Variants in MAJIN observed in about 807,000 individuals in gnomAD.
MAJIN encodes the protein membrane anchored junction protein.
MAJIN carries 27 observed loss-of-function variants against 30.2 expected under a neutral mutation model. That is an observed-to-expected ratio of 0.89 (90% CI 0.66 to 1.23). The LOEUF (loss-of-function observed/expected upper bound fraction) is 1.23, where lower values mean the gene tolerates loss of function less well. Among genes scored for constraint, MAJIN ranks in the 50% most tolerant of loss-of-function variants. MAJIN has a pLI of 0.00. For missense variants in MAJIN, 253 were observed against 260.3 expected (o/e 0.97, Z 0.19); for synonymous variants, 78 against 91.6 (o/e 0.85, Z 0.85).
chr11:64,961,599 C>T (rs1415439111), intron 1 of MAJIN, among the ~76,000 whole-genome samples: 1 of 150,966 alleles, frequency 6.6e-6, no homozygotes, highest in Non-Finnish European at 1.5e-5. Flanking sequence ...CCTCAGCCTC[C>T]AGAGTAGCTG....
At chr11:64,953,592 A>G (rs529315131) in intron 4 of MAJIN, among the ~76,000 whole-genome samples, 32 of 152,268 alleles carry the variant, frequency 2.1e-4, no homozygotes, top group African/African-American at 7.5e-4. Flanking sequence ...AGAGATCGAG[A>G]CCATCCTGGC....
intron 3 of MAJIN, among the ~76,000 whole-genome samples, chr11:64,956,745 T>C (rs1945638796): frequency 6.8e-6 from 1 of 146,160 alleles, no homozygotes; most frequent in Non-Finnish European, 1.5e-5. Flanking sequence ...CTTTCCAAAC[T>C]ACAAATACAT....
At chr11:64,955,163 T>TGCC in intron 3 of MAJIN, among the ~76,000 whole-genome samples, 1 of 152,218 alleles carries the variant, frequency 6.6e-6, no homozygotes, top group Non-Finnish European at 1.5e-5. Flanking sequence ...TGTGTTAATA[T>TGCC]TTGTAACCAT....
At chr11:64,947,057 GT>G (rs1484073647) in intron 8 of MAJIN, among the ~76,000 whole-genome samples, 1 of 152,258 alleles carries the variant, frequency 6.6e-6, no homozygotes, top group Middle Eastern at 3.4e-3. Context: ...GACTTCATAA[GT>G]CCTGTGCCTT....
intron 4 of MAJIN, among the ~76,000 whole-genome samples, chr11:64,952,347 C>G (rs1945566120): frequency 6.6e-6 from 1 of 152,090 alleles, no homozygotes; most frequent in Admixed American, 6.6e-5. Flanking sequence ...GCCACCACAC[C>G]TGGCTAACTT....
chr11:64,958,778 C>T (rs1042356809), intron 3 of MAJIN, among the ~76,000 whole-genome samples: 6 of 151,922 alleles, frequency 3.9e-5, no homozygotes, highest in Non-Finnish European at 7.4e-5. Flanking sequence ...CCTCCTACCA[C>T]CATGCCTGGC....
intron 3 of MAJIN, among the ~76,000 whole-genome samples, chr11:64,956,930 C>T (rs112054853): frequency 0.044 from 6,632 of 152,046 alleles, 194 homozygotes; most frequent in African/African-American, 0.071. Flanking sequence ...TCACGCCTCG[C>T]TAATTTTTAT....
rs750259177 is a variant in MAJIN, at chr11:64,959,348, G to A, written c.58C>T (p.Pro20Ser). 2 of 1,613,978 alleles carry A rather than the reference G, an allele frequency of 1.2e-6. No individual in the cohort carries two copies. Among genetic ancestry groups the A allele is most frequent in the Non-Finnish European group, 1.7e-6 (2 of 1,179,954 alleles). ...CTGATTTTGAATTTATACACATTGG[G>A]TCCTGCATGAAGAAACCTCGTCTCT... is the stretch of plus-strand genomic sequence containing the variant. ...FPETRFLHAG[P>S]NVYKFKIRYG... Residue 20 changes from proline to serine, a missense_variant, in exon 3 of 11, where the codon CCC becomes TCC. Coordinates refer to ENST00000301896, the MANE Select transcript of MAJIN (RefSeq NM_001037225.3).
intron 1 of MAJIN, among the ~76,000 whole-genome samples, chr11:64,965,376 A>C (rs1945789879): frequency 1.3e-5 from 2 of 152,302 alleles, no homozygotes; most frequent in Admixed American, 6.5e-5. Flanking sequence ...TGAGATCAAA[A>C]GACCTCAGTG....
intron 1 of MAJIN, among the ~76,000 whole-genome samples, chr11:64,962,227 G>T (rs1945739019): frequency 6.6e-6 from 1 of 152,228 alleles, no homozygotes; most frequent in African/African-American, 2.4e-5. Flanking sequence ...ACCACAGCTG[G>T]CTGTCTGAAA....
chr11:64,947,678 C>A, intron 7 of MAJIN, 110 bp downstream of exon 7: 2 of 1,235,596 alleles, frequency 1.6e-6, no homozygotes, highest in South Asian at 1.2e-5. Flanking sequence ...TCTGACTGGA[C>A]CTGGGCAGCA....
At chr11:64,963,155 A>G (rs1036694080) in intron 1 of MAJIN, among the ~76,000 whole-genome samples, 2 of 152,128 alleles carry the variant, frequency 1.3e-5, no homozygotes, top group African/African-American at 2.4e-5. Flanking sequence ...AAGCAAATTC[A>G]AGAGAGCACT....
At chr11:64,948,436 TTC>T (rs1181436985) in intron 6 of MAJIN, among the ~76,000 whole-genome samples, 1 of 149,020 alleles carries the variant, frequency 6.7e-6, no homozygotes, top group Non-Finnish European at 1.5e-5. Context: ...CCCTTTTCTT[TTC>T]TTTCTTTTTT....
Position 64,971,963 on chromosome 11 carries a change from A to G in MAJIN, c.-151T>C, listed in dbSNP as rs1945913994. On this transcript the variant is annotated 5_prime_UTR_variant, in exon 1 of 11. Coordinates refer to ENST00000301896, the MANE Select transcript of MAJIN (RefSeq NM_001037225.3). ...TTCGGCCTCAGAAAAGTGGCCCCGG[A>G]CGGAATACCCACTAAGAAGTGCTCT... The G allele has an allele frequency of 6.6e-6, 1 of 152,176 alleles. No homozygotes were observed. Among genetic ancestry groups the G allele is most frequent in the Admixed American group, 6.5e-5 (1 of 15,286 alleles). The allele number at this position is 152,176 out of a possible 1,614,324, so 9.4% of individuals were successfully genotyped here.
chr11:64,969,105 AG>A (rs1256240666), intron 1 of MAJIN, among the ~76,000 whole-genome samples: 2 of 152,220 alleles, frequency 1.3e-5, no homozygotes, highest in African/African-American at 4.8e-5. Flanking sequence ...CTTTGCAATT[AG>A]GTAGACAATG....
intron 8 of MAJIN, among the ~76,000 whole-genome samples, chr11:64,942,950 G>A (rs566764481): frequency 2.6e-5 from 4 of 152,200 alleles, no homozygotes; most frequent in Admixed American, 6.5e-5. Context: ...CAGAGGTACA[G>A]CCTACCGCTG....
chr11:64,967,449 G>A (rs1044165028), intron 1 of MAJIN, among the ~76,000 whole-genome samples: 3 of 152,034 alleles, frequency 2.0e-5, no homozygotes, highest in Admixed American at 1.3e-4. Flanking sequence ...AAAAGAAAAG[G>A]AAAAAGAAAC....
At chr11:64,958,245 T>G (rs535734619) in intron 3 of MAJIN, among the ~76,000 whole-genome samples, 5 of 151,838 alleles carry the variant, frequency 3.3e-5, no homozygotes, top group African/African-American at 4.8e-5. Flanking sequence ...CCACTGTGCC[T>G]GGCCAAATTT....
At chr11:64,939,558 T>C in intron 10 of MAJIN, 104 bp downstream of exon 10, 1 of 988,118 alleles carries the variant, frequency 1.0e-6, no homozygotes, top group Non-Finnish European at 1.5e-6. Flanking sequence ...GTGAGAAGCC[T>C]CTGTAAGTAA....
Sources: allele counts gnomAD v4.1 joint callset (sites outside exome capture counted in the v4.1 genomes callset), GRCh38; gene constraint gnomAD v4.1.1; transcripts MANE v1.5; gene names NCBI Gene and HGNC (gene_info 2026-07-23, HGNC 2026-07-21).